CNPY1: variants seen among roughly 807,000 people sequenced by gnomAD.
The protein encoded by CNPY1 is protein canopy homolog 1.
CNPY1 carries 14 observed loss-of-function variants against 14.4 expected under a neutral mutation model. That is an observed-to-expected ratio of 0.97 (90% CI 0.64 to 1.52). CNPY1 has a LOEUF of 1.52. Ranked by LOEUF, CNPY1 falls within the 40% of genes most tolerant of loss-of-function variation. CNPY1 has a pLI of 0.00. For synonymous variants in CNPY1, 43 were observed against 46.5 expected, an observed-to-expected ratio of 0.92 and a Z score of 0.31; for missense variants, 129 against 131.5, an observed-to-expected ratio of 0.98 and a Z score of 0.09.
intron 2 of CNPY1, among the ~76,000 whole-genome samples, chr7:155,528,493 C>T (rs895475484): frequency 1.2e-4 from 18 of 152,194 alleles, no homozygotes; most frequent in African/African-American, 4.3e-4. Flanking sequence ...GCTGGGATCA[C>T]TTCTTCATTC....
At chr7:155,525,367 C>A (rs1246133195) in intron 2 of CNPY1, among the ~76,000 whole-genome samples, 5 of 152,098 alleles carry the variant, frequency 3.3e-5, no homozygotes, top group Non-Finnish European at 7.4e-5. Context: ...TTAAGTTTCT[C>A]CATGTCAGTC....
chr7:155,517,850 T>C (rs1282189584), intron 2 of CNPY1, among the ~76,000 whole-genome samples: 1 of 152,210 alleles, frequency 6.6e-6, no homozygotes, highest in Non-Finnish European at 1.5e-5. Flanking sequence ...GGTTGGAAAA[T>C]CCTTCAAAAC....
At chr7:155,503,464 C>G (rs1272278427) in intron 4 of CNPY1, among the ~76,000 whole-genome samples, 1 of 152,058 alleles carries the variant, frequency 6.6e-6, no homozygotes, top group Admixed American at 6.6e-5. Context: ...TGGCATTTAA[C>G]CCAAGGACCA....
chr7:155,525,599 G>A (rs113814840), intron 2 of CNPY1, among the ~76,000 whole-genome samples: 11 of 152,270 alleles, frequency 7.2e-5, no homozygotes, highest in Admixed American at 6.5e-4. Context: ...GTCCCAGCCA[G>A]TACCGGTAAG....
intron 2 of CNPY1, among the ~76,000 whole-genome samples, chr7:155,540,145 T>A (rs992464606): frequency 6.6e-6 from 1 of 152,194 alleles, no homozygotes; most frequent in African/African-American, 2.4e-5. Context: ...GTATTTCTTT[T>A]GGAAAGAAGT....
chr7:155,544,359 C>T (rs769349540), intron 2 of CNPY1, among the ~76,000 whole-genome samples: 1 of 152,218 alleles, frequency 6.6e-6, no homozygotes, highest in Admixed American at 6.5e-5. Context: ...CCCTTCCAGC[C>T]CCTTCCTCAG....
At chr7:155,533,477 C>T (rs1796976706) in intron 2 of CNPY1, among the ~76,000 whole-genome samples, 1 of 152,214 alleles carries the variant, frequency 6.6e-6, no homozygotes, top group Non-Finnish European at 1.5e-5. Flanking sequence ...CAGGGCGCGC[C>T]TCAGAATGAC....
At chr7:155,541,261 G>T (rs781276711) in intron 2 of CNPY1, among the ~76,000 whole-genome samples, 5 of 152,220 alleles carry the variant, frequency 3.3e-5, no homozygotes, top group Non-Finnish European at 7.3e-5. Context: ...AGCCTATCAT[G>T]AACATCGAGC....
intron 4 of CNPY1, 181 bp downstream of exon 4, chr7:155,506,839 T>G: frequency 1.1e-5 from 7 of 616,288 alleles, no homozygotes; most frequent in Admixed American, 3.1e-5. Flanking sequence ...GCCCTGTGGT[T>G]TCTGTTTATC....
intron 2 of CNPY1, among the ~76,000 whole-genome samples, chr7:155,514,199 C>G (rs1796574819): frequency 6.6e-6 from 1 of 152,242 alleles, no homozygotes; most frequent in Non-Finnish European, 1.5e-5. Flanking sequence ...ATTTACTGAA[C>G]TCCATCTAAT....
intron 2 of CNPY1, among the ~76,000 whole-genome samples, chr7:155,509,980 C>T (rs968261963): frequency 1.3e-5 from 2 of 152,118 alleles, no homozygotes; most frequent in Admixed American, 6.5e-5. Flanking sequence ...GGCGTGGAGC[C>T]GCCAAGGGCG....
At position 155,517,563 on chromosome 7, in the gene CNPY1, T is replaced by C. The variant is rs143361370; in HGVS notation, c.100-8466A>G. 8.7e-4 allele frequency among the ~76,000 whole-genome samples: 133 copies of C among 152,224 alleles called. 1 individual carries two copies. The East Asian group carries it at 0.018, about 21-fold the overall frequency. ...CCACCTCCAGGAAGCCTGGACACCA[T>C]GCAGAGGCGGCCAGCAGGTCCACCC... On this transcript the variant is annotated intron_variant, in intron 2 of 4. Coordinates refer to ENST00000636446, the MANE Select transcript of CNPY1 (RefSeq NM_001393663.1).
chr7:155,503,099 C>T lies in CNPY1; in HGVS notation c.407G>A (p.Cys136Tyr). 1.3e-6 allele frequency: 2 copies of T among 1,572,794 alleles called. No individual in the cohort carries two copies. The highest frequency in any genetic ancestry group is 1.7e-6 in the Non-Finnish European group (2 of 1,171,080). Residue 136 changes from cysteine to tyrosine, a missense_variant, in exon 5 of 5, where the codon TGT becomes TAT. Coordinates refer to ENST00000636446, the MANE Select transcript of CNPY1 (RefSeq NM_001393663.1). Reference sequence around the variant, plus strand: ...CTCAGTATGATTAGCAGAAGTTTCACACAGATCTGGAAAAAAAAAAAAAAG... The same window carrying T: ...CTCAGTATGATTAGCAGAAGTTTCATACAGATCTGGAAAAAAAAAAAAAAG... ...DKLCSEKSDLCETSANHTEL is the reference protein window; with the variant it reads ...DKLCSEKSDLYETSANHTEL
chr7:155,535,124 G>A (rs1223645195), intron 2 of CNPY1, among the ~76,000 whole-genome samples: 2 of 152,198 alleles, frequency 1.3e-5, no homozygotes, highest in East Asian at 3.8e-4. Context: ...CAAACAAGTG[G>A]CAAAACACTC....
chr7:155,524,707 T>C (rs1012479442), intron 2 of CNPY1, among the ~76,000 whole-genome samples: 3 of 152,250 alleles, frequency 2.0e-5, no homozygotes, highest in African/African-American at 4.8e-5. Flanking sequence ...TATTTCTTTA[T>C]ATATTACAAT....
intron 2 of CNPY1, among the ~76,000 whole-genome samples, chr7:155,515,310 G>GAA (rs1796600434): frequency 1.5e-5 from 1 of 67,566 alleles, no homozygotes; most frequent in South Asian, 5.5e-4. Flanking sequence ...CCCCCCCCCG[G>GAA]CCCCGGCCAG....
At chr7:155,533,194 C>G (rs1796970753) in intron 2 of CNPY1, among the ~76,000 whole-genome samples, 1 of 152,200 alleles carries the variant, frequency 6.6e-6, no homozygotes, top group Non-Finnish European at 1.5e-5. Flanking sequence ...ACGGCGCGGC[C>G]TCGCTCACCC....
At chr7:155,538,999 C>T (rs892304575) in intron 2 of CNPY1, among the ~76,000 whole-genome samples, 1 of 152,208 alleles carries the variant, frequency 6.6e-6, no homozygotes, top group African/African-American at 2.4e-5. Flanking sequence ...AGCCCCAAGG[C>T]TGCTGCCACC....
chr7:155,509,780 G>T (rs1279271719), intron 2 of CNPY1, among the ~76,000 whole-genome samples: 2 of 152,206 alleles, frequency 1.3e-5, no homozygotes, highest in African/African-American at 4.8e-5. Context: ...AACAGCTGGT[G>T]CACGTCCCCG....
Sources: allele counts gnomAD v4.1 joint callset (sites outside exome capture counted in the v4.1 genomes callset), GRCh38; gene constraint gnomAD v4.1.1; transcripts MANE v1.5; gene names NCBI Gene and HGNC (gene_info 2026-07-23, HGNC 2026-07-21).